The following COQ6 variants were observed in gnomAD, a reference collection of about 807,000 sequenced individuals.
The protein encoded by COQ6 is coenzyme Q6, monooxygenase.
In COQ6, 45 loss-of-function variants were observed where a neutral mutation model predicts 55.5. The ratio of observed to expected loss-of-function variants is 0.81; its 90% CI spans 0.64 to 1.04. COQ6 has a LOEUF of 1.04. COQ6 is among the 50% of genes least tolerant of loss of function. COQ6 has a pLI of 0.00. For missense variants in COQ6, 550 were observed against 601.3 expected, an observed-to-expected ratio of 0.91 and a Z score of 0.89; for synonymous variants, 206 against 230.5, an observed-to-expected ratio of 0.89 and a Z score of 0.96.
rs781408112 is a variant in COQ6, at chr14:73,961,450, C to G, written c.1095-5C>G. 6.2e-6 allele frequency: 10 copies of G among 1,614,204 alleles called. No individual in the cohort carries two copies. The highest frequency in any genetic ancestry group is 1.1e-5 in the South Asian group (1 of 91,082). On this transcript the variant is annotated splice_polypyrimidine_tract_variant and splice_region_variant and intron_variant, in intron 9 of 11. Coordinates refer to ENST00000334571, the MANE Select transcript of COQ6 (RefSeq NM_182476.3). ...GGTCACACCTGAACTCTGCTTTATT[C>G]TTAGGGATGCAGCCCACAGAGTCCA...
chr14:73,954,175 T>G (rs1441585761), intron 2 of COQ6, among the ~76,000 whole-genome samples: 1 of 152,244 alleles, frequency 6.6e-6, no homozygotes, highest in Non-Finnish European at 1.5e-5. Context: ...ATCTCTCCAA[T>G]TAGAATGTTA....
chr14:73,950,786 AC>A (rs1376408746), intron 1 of COQ6, among the ~76,000 whole-genome samples: 1 of 152,212 alleles, frequency 6.6e-6, no homozygotes, highest in Non-Finnish European at 1.5e-5. Context: ...CCTGGACAGT[AC>A]TTGTCATTGT....
At chr14:73,950,720 G>C in intron 1 of COQ6, 1 of 608,104 alleles carries the variant, frequency 1.6e-6, no homozygotes. Context: ...TTCTACTCAT[G>C]GGAAAACAGG....
Position 73,962,363 on chromosome 14 carries a change from C to G in COQ6, c.1377+460C>G, listed in dbSNP as rs190917651. On this transcript the variant is annotated intron_variant, in intron 11 of 11. Coordinates refer to ENST00000334571, the MANE Select transcript of COQ6 (RefSeq NM_182476.3). ...CTTGCTAGGCTTTTAGGTGTTACGG[C>G]CCACATCTAAGCAATAACTATGTAT... Among the ~76,000 whole-genome samples, 45 of 152,080 alleles carry G rather than the reference C, an allele frequency of 3.0e-4. No individual in the cohort carries two copies. In the East Asian group the frequency reaches 5.8e-3, roughly 20 times the overall value.
At chr14:73,955,633 G>A in intron 3 of COQ6, 124 bp downstream of exon 3, 2 of 1,328,936 alleles carry the variant, frequency 1.5e-6, no homozygotes, top group Non-Finnish European at 1.1e-6. Context: ...TCAGTCCGAG[G>A]AAGTGGGGAG....
chr14:73,962,532 C>G (rs1231627159), intron 11 of COQ6, among the ~76,000 whole-genome samples: 1 of 150,690 alleles, frequency 6.6e-6, no homozygotes, highest in Non-Finnish European at 1.5e-5. Flanking sequence ...GTTACTCAGA[C>G]TGGGTGACAG....
chr14:73,961,056 A>T, intron 8 of COQ6, 117 bp from the exon 9 acceptor site: 1 of 1,156,634 alleles, frequency 8.6e-7, no homozygotes, highest in Non-Finnish European at 1.2e-6. Context: ...AGATCAGTGT[A>T]GGCAAGTTGG....
rs770065034 is a variant in COQ6, at chr14:73,959,538, C to T, written c.891+16C>T. The T allele has an allele frequency of 4.3e-6, 7 of 1,613,860 alleles. No individual in the cohort carries two copies. The highest frequency in any genetic ancestry group is 5.9e-6 in the Non-Finnish European group (7 of 1,180,030). ...CTCTGCCTTTGTGAGTATCAATTTA[C>T]CCAGCTGATGATGTGCTGCAGGGGG... On this transcript the variant is annotated intron_variant, in intron 8 of 11. Coordinates refer to ENST00000334571, the MANE Select transcript of COQ6 (RefSeq NM_182476.3).
In COQ6 at chr14:73,958,955, T is replaced by G; in HGVS notation, c.613-16T>G. On this transcript the variant is annotated splice_polypyrimidine_tract_variant and intron_variant, in intron 5 of 11. Transcript: ENST00000334571. ...GAAGAGGCTGGAAGACTTAGCAGGC[T>G]CATGTGTCCATGCAGATAGGTGCAG... 1.2e-6 allele frequency: 2 copies of G among 1,613,302 alleles called. No individual in the cohort carries two copies. The highest frequency in any genetic ancestry group is 1.7e-6 in the Non-Finnish European group (2 of 1,180,010).
intron 4 of COQ6, 199 bp from the exon 5 acceptor site, chr14:73,957,948 G>A: frequency 1.8e-6 from 1 of 565,430 alleles, no homozygotes; most frequent in Non-Finnish European, 3.2e-6. Context: ...GAACTTCAAT[G>A]TCTTTTTTTG....
chr14:73,954,280 T>C (rs2140370173), intron 2 of COQ6, among the ~76,000 whole-genome samples: 1 of 152,244 alleles, frequency 6.6e-6, no homozygotes, highest in Admixed American at 6.5e-5. Context: ...AATGAATAAA[T>C]CTGTTCAGTG....
At chr14:73,960,862 A>G in intron 8 of COQ6, 1 of 450,146 alleles carries the variant, frequency 2.2e-6, no homozygotes, top group Non-Finnish European at 4.1e-6. Flanking sequence ...AGAGTCATGG[A>G]GGTAGAAGGA....
At chr14:73,962,764 C>T (rs191936224) in intron 11 of COQ6, 17 of 591,762 alleles carry the variant, frequency 2.9e-5, no homozygotes, top group Non-Finnish European at 4.5e-5. Context: ...CTGCAGTGAG[C>T]TATGATCACA....
intron 1 of COQ6, among the ~76,000 whole-genome samples, chr14:73,952,506 A>G (rs10459545): frequency 0.67 from 102,050 of 151,720 alleles, 34,428 homozygotes; most frequent in South Asian, 0.77. Context: ...GCACAAACAT[A>G]GCTCAGGTGT....
Position 73,962,746 on chromosome 14 carries a change from G to A in COQ6, c.1378-224G>A, listed in dbSNP as rs915025849. On this transcript the variant is annotated intron_variant, in intron 11 of 11. Transcript: ENST00000334571. ...GAGGGAGGATTGCTTGAGCCTAGGA[G>A]TTTGAGGCTGCAGTGAGCTATGATC... 7.1e-6 allele frequency: 4 copies of A among 561,682 alleles called. No homozygotes were observed. The African/African-American group carries it at 7.6e-5, about 11-fold the overall frequency. The allele number at this position is 561,682 out of a possible 1,614,324, so 34.8% of individuals were successfully genotyped here.
At chr14:73,962,080 T>C (rs1046003457) in intron 11 of COQ6, among the ~76,000 whole-genome samples, 177 bp downstream of exon 11, 1 of 152,068 alleles carries the variant, frequency 6.6e-6, no homozygotes, top group Admixed American at 6.6e-5. Context: ...CCCAAGTAGC[T>C]GGGATTACAG....
intron 8 of COQ6, chr14:73,960,481 A>T: frequency 1.0e-6 from 1 of 993,222 alleles, no homozygotes; most frequent in South Asian, 4.5e-5. Flanking sequence ...AACAAGAATA[A>T]AGGGAACTGA....
intron 8 of COQ6, chr14:73,960,469 G>A (rs2056665014): frequency 4.0e-6 from 4 of 992,600 alleles, no homozygotes; most frequent in Non-Finnish European, 4.8e-6. Flanking sequence ...CTCTGTAGTA[G>A]CAACAAGAAT....
intron 1 of COQ6, among the ~76,000 whole-genome samples, chr14:73,951,363 G>C (rs114383382): frequency 0.017 from 2,047 of 122,666 alleles, 47 homozygotes; most frequent in African/African-American, 0.057. Context: ...CTTCCATTTT[G>C]TAGTCTTTTC....
Sources: gnomAD v4.1 joint callset for allele counts (sites outside exome capture counted in the v4.1 genomes callset) on GRCh38, gnomAD v4.1.1 for gene constraint, MANE v1.5 for transcripts, NCBI Gene and HGNC (gene_info 2026-07-23, HGNC 2026-07-21) for gene names.